KCNMA1: variants seen among roughly 807,000 people sequenced by gnomAD.
The protein encoded by KCNMA1 is potassium calcium-activated channel subfamily M alpha 1, also known as Calcium-activated potassium channel subunit alpha-1.
Under a neutral mutation model 140.0 loss-of-function variants are expected in KCNMA1, and 29 were observed. The ratio of observed to expected loss-of-function variants is 0.21; its 90% CI spans 0.15 to 0.28. The LOEUF (loss-of-function observed/expected upper bound fraction) is 0.28, where lower values mean the gene tolerates loss of function less well. Ranked by LOEUF, KCNMA1 falls within the 10% of genes least tolerant of loss-of-function variation. KCNMA1 has a pLI of 1.00. For missense variants in KCNMA1, 880 were observed against 1,602.2 expected (o/e 0.55, Z 7.70); for synonymous variants, 612 against 611.9 (o/e 1.00, Z 0.00).
chr10:77,184,426 G>A (rs2098830669), intron 4 of KCNMA1, among the ~76,000 whole-genome samples: 1 of 152,132 alleles, frequency 6.6e-6, no homozygotes, highest in Non-Finnish European at 1.5e-5. Context: ...CACCAGGTTG[G>A]TCAGGCTGGT....
At chr10:76,936,509 T>G (rs1409238930) in intron 23 of KCNMA1, among the ~76,000 whole-genome samples, 1 of 152,218 alleles carries the variant, frequency 6.6e-6, no homozygotes, top group Non-Finnish European at 1.5e-5. Flanking sequence ...AGCGCTGAGC[T>G]TTGTTCGTTT....
chr10:77,053,006 A>T (rs947519225), intron 14 of KCNMA1, among the ~76,000 whole-genome samples: 1 of 152,166 alleles, frequency 6.6e-6, no homozygotes, highest in Non-Finnish European at 1.5e-5. Context: ...TGGGAAGCAC[A>T]CTTTTCTATT....
intron 9 of KCNMA1, among the ~76,000 whole-genome samples, chr10:77,093,661 A>G (rs1034482243): frequency 1.3e-5 from 2 of 152,188 alleles, no homozygotes; most frequent in African/African-American, 2.4e-5. Flanking sequence ...TGAAGATTCT[A>G]GGGCCATAGT....
intron 1 of KCNMA1, among the ~76,000 whole-genome samples, chr10:77,573,637 G>GAATA (rs2072727774): frequency 1.3e-5 from 1 of 78,962 alleles, no homozygotes; most frequent in Non-Finnish European, 2.6e-5. Flanking sequence ...GGAATGGAAT[G>GAATA]GAATGGAATA....
chr10:77,352,997 C>T (rs998600109), intron 2 of KCNMA1, among the ~76,000 whole-genome samples: 3 of 152,222 alleles, frequency 2.0e-5, no homozygotes, highest in Non-Finnish European at 2.9e-5. Context: ...CCATGGAAGA[C>T]AATCCCCTGA....
intron 3 of KCNMA1, among the ~76,000 whole-genome samples, chr10:77,189,711 G>A (rs1178099879): frequency 1.3e-5 from 2 of 152,042 alleles, no homozygotes; most frequent in African/African-American, 4.8e-5. Context: ...CACTCTTGTG[G>A]CTAGTCCCTT....
chr10:76,914,197 AAG>A, intron 24 of KCNMA1: 1 of 1,242,462 alleles, frequency 8.0e-7, no homozygotes, highest in South Asian at 1.3e-5. Flanking sequence ...ACAGAAAAAG[AAG>A]AGAGTGAGGG....
rs1438882207 is a variant in KCNMA1 at position 77,062,897 on chromosome 10, ATGT to A, written c.1749+10197_1749+10199del. The stretch of plus-strand genomic sequence containing the variant: ...AAAGCGCTGAGCTGAGAAGCCAATG[ATGT>A]TGTAGCGTTCTGGCCCTAGCTCTAC... On this transcript the variant is annotated intron_variant, in intron 14 of 27. Transcript: ENST00000286628. Among the ~76,000 whole-genome samples, 7 of 152,306 alleles carry A rather than the reference ATGT, an allele frequency of 4.6e-5. No individual in the cohort carries two copies. In the South Asian group the frequency reaches 1.5e-3, roughly 32 times the overall value.
intron 14 of KCNMA1, among the ~76,000 whole-genome samples, chr10:77,047,265 G>T (rs1290182156): frequency 6.6e-6 from 1 of 152,178 alleles, no homozygotes; most frequent in African/African-American, 2.4e-5. Flanking sequence ...TTTCGGAATG[G>T]ACTTGAGCCA....
At position 77,559,302 on chromosome 10, in the gene KCNMA1, C is replaced by A. The variant is rs529732506; in HGVS notation, c.378+77963G>T. Among the ~76,000 whole-genome samples the A allele has an allele frequency of 2.0e-5, 3 of 152,346 alleles. No homozygotes were observed. The East Asian group carries it at 5.8e-4, about 29-fold the overall frequency. On this transcript the variant is annotated intron_variant, in intron 1 of 27. Coordinates refer to ENST00000286628, the MANE Select transcript of KCNMA1 (RefSeq NM_001161352.2). ...AATTCCTGCATGCCTACTACCACCA[C>A]CCAGCCTCTACAATGGGACTCCATG...
intron 14 of KCNMA1, among the ~76,000 whole-genome samples, chr10:77,060,950 G>A (rs186729884): frequency 2.6e-5 from 4 of 152,190 alleles, no homozygotes; most frequent in South Asian, 2.1e-4. Flanking sequence ...AACCAGCCCC[G>A]CCACCATGTT....
At chr10:77,137,099 T>C (rs1217954806) in intron 5 of KCNMA1, among the ~76,000 whole-genome samples, 1 of 148,658 alleles carries the variant, frequency 6.7e-6, no homozygotes, top group Non-Finnish European at 1.5e-5. Flanking sequence ...CTGACAGAAA[T>C]TGAGGGATAA....
chr10:76,926,308 T>G (rs1027775984), intron 23 of KCNMA1, among the ~76,000 whole-genome samples: 23 of 152,286 alleles, frequency 1.5e-4, no homozygotes, highest in African/African-American at 5.3e-4. Flanking sequence ...GTTTCTAATT[T>G]GTGATCTGGG....
intron 5 of KCNMA1, among the ~76,000 whole-genome samples, chr10:77,153,886 G>A (rs545537621): frequency 4.6e-5 from 7 of 152,094 alleles, no homozygotes; most frequent in East Asian, 1.9e-4. Context: ...AGGAGTCTCC[G>A]GGCCCAGCTC....
intron 25 of KCNMA1, among the ~76,000 whole-genome samples, chr10:76,894,500 AT>A (rs1284517797): frequency 1.3e-5 from 2 of 152,244 alleles, no homozygotes; most frequent in Admixed American, 1.3e-4. Context: ...AATTTAAAAA[AT>A]ATTTGTTCTT....
intron 20 of KCNMA1, among the ~76,000 whole-genome samples, chr10:76,969,561 T>G (rs2075380629): frequency 6.6e-6 from 1 of 152,150 alleles, no homozygotes; most frequent in Non-Finnish European, 1.5e-5. Context: ...ACATATGGCC[T>G]TAAGTACAGA....
chr10:77,214,132 C>G (rs2046974312), intron 3 of KCNMA1, among the ~76,000 whole-genome samples: 1 of 152,216 alleles, frequency 6.6e-6, no homozygotes, highest in Non-Finnish European at 1.5e-5. Flanking sequence ...AGGGAAATGA[C>G]TGGTTTCGCT....
At chr10:77,161,897 G>C (rs184215558) in intron 5 of KCNMA1, among the ~76,000 whole-genome samples, 1 of 152,218 alleles carries the variant, frequency 6.6e-6, no homozygotes, top group East Asian at 1.9e-4. Flanking sequence ...AGCTACTCTA[G>C]GCTGAAATTG....
intron 21 of KCNMA1, among the ~76,000 whole-genome samples, chr10:76,953,022 G>A (rs185559364): frequency 3.2e-4 from 48 of 152,284 alleles, no homozygotes; most frequent in African/African-American, 1.1e-3. Flanking sequence ...ATAGAACAAG[G>A]GCAGAGAGTA....
Sources: gnomAD v4.1 joint callset for allele counts (sites outside exome capture counted in the v4.1 genomes callset) on GRCh38, gnomAD v4.1.1 for gene constraint, MANE v1.5 for transcripts, NCBI Gene and HGNC (gene_info 2026-07-23, HGNC 2026-07-21) for gene names.